ULK4: variants seen among roughly 807,000 people sequenced by gnomAD.
ULK4 encodes the protein unc-51 like kinase 4, also known as inactive serine/threonine-protein kinase ULK4.
In ULK4, 133 loss-of-function variants were observed where a neutral mutation model predicts 160.6. The ratio of observed to expected loss-of-function variants is 0.83; its 90% CI spans 0.72 to 0.96. The LOEUF (loss-of-function observed/expected upper bound fraction) is 0.96. ULK4 is among the 40% of genes least tolerant of loss of function. The pLI, the probability that ULK4 is intolerant of heterozygous loss-of-function variation, is 0.00. For synonymous variants in ULK4, 534 were observed against 539.8 expected, an observed-to-expected ratio of 0.99 and a Z score of 0.15; for missense variants, 1,580 against 1,499.5, an observed-to-expected ratio of 1.05 and a Z score of -0.89.
chr3:41,958,481 C>T (rs1462411860), intron 1 of ULK4, among the ~76,000 whole-genome samples: 1 of 151,450 alleles, frequency 6.6e-6, no homozygotes, highest in African/African-American at 2.4e-5. Context: ...TCGGACGGAT[C>T]GCCTGAGGTC....
intron 30 of ULK4, among the ~76,000 whole-genome samples, chr3:41,660,675 T>TA (rs1369719801): frequency 6.6e-6 from 1 of 152,222 alleles, no homozygotes; most frequent in Admixed American, 6.5e-5. Context: ...AATTGGTCTT[T>TA]AATGCATTGC....
intron 17 of ULK4, chr3:41,869,049 C>G (rs1227024907): frequency 6.6e-6 from 1 of 152,110 alleles, no homozygotes; most frequent in Non-Finnish European, 1.5e-5. Context: ...AAATCTGTAA[C>G]TAGTTACAAT....
intron 34 of ULK4, among the ~76,000 whole-genome samples, chr3:41,405,297 G>T (rs1575520225): frequency 6.6e-6 from 1 of 152,076 alleles, no homozygotes; most frequent in Non-Finnish European, 1.5e-5. Context: ...TTGCTGCAAA[G>T]GACATAATTT....
chr3:41,867,154 T>A (rs763551156), intron 17 of ULK4, among the ~76,000 whole-genome samples: 6 of 152,232 alleles, frequency 3.9e-5, no homozygotes, highest in Non-Finnish European at 8.8e-5. Flanking sequence ...TTACTTTTAT[T>A]ATTTCCTTTA....
intron 21 of ULK4, among the ~76,000 whole-genome samples, chr3:41,763,646 G>C (rs2039064197): frequency 6.6e-6 from 1 of 152,164 alleles, no homozygotes; most frequent in Admixed American, 6.6e-5. Context: ...TCTACTATGA[G>C]CAAAGCTGCT....
rs916603442 is a variant in ULK4, at chr3:41,716,465, T to C, written c.2456-897A>G. ...ATTTAGCTACCAACTGACCAAATTA[T>C]AGCCTTCAGGTTTGAGGTAAAAAAG... On this transcript the variant is annotated intron_variant, in intron 23 of 36. Transcript: ENST00000301831. Among the ~76,000 whole-genome samples the C allele has an allele frequency of 1.1e-4, 17 of 152,226 alleles. No homozygotes were observed. The East Asian group carries it at 1.7e-3, about 16-fold the overall frequency.
chr3:41,258,093 C>T (rs906677188), intron 35 of ULK4, among the ~76,000 whole-genome samples: 2 of 152,154 alleles, frequency 1.3e-5, no homozygotes, highest in Admixed American at 6.5e-5. Context: ...CCTCTTAGGC[C>T]GCTGAAGGTT....
intron 14 of ULK4, 22 bp downstream of exon 14, chr3:41,898,410 G>A (rs201965809): frequency 1.9e-5 from 28 of 1,488,038 alleles, no homozygotes; most frequent in South Asian, 5.0e-5. Flanking sequence ...CTACATGTTC[G>A]ATAAGTCCTT....
At chr3:41,933,643 T>C (rs576980817) in intron 4 of ULK4, among the ~76,000 whole-genome samples, 36 of 152,190 alleles carry the variant, frequency 2.4e-4, no homozygotes, top group African/African-American at 7.9e-4. Flanking sequence ...AACTACAGCC[T>C]CTGGGACAAA....
chr3:41,301,886 T>A (rs2079807554), intron 35 of ULK4, among the ~76,000 whole-genome samples: 1 of 152,190 alleles, frequency 6.6e-6, no homozygotes, highest in Non-Finnish European at 1.5e-5. Context: ...AAAACAATCT[T>A]GGCTTTTTGA....
intron 2 of ULK4, among the ~76,000 whole-genome samples, chr3:41,949,335 CAA>C (rs1263029667): frequency 1.9e-4 from 28 of 150,418 alleles, no homozygotes; most frequent in South Asian, 4.2e-4. Context: ...CACACACACA[CAA>C]AAAGTAAAGT....
chr3:41,698,332 GC>G (rs2036565547), intron 27 of ULK4, among the ~76,000 whole-genome samples: 1 of 151,972 alleles, frequency 6.6e-6, no homozygotes, highest in African/African-American at 2.4e-5. Flanking sequence ...TAGCTACATT[GC>G]CCAAGCTGGC....
chr3:41,446,655 C>A (rs1260034068), intron 34 of ULK4, among the ~76,000 whole-genome samples: 1 of 141,766 alleles, frequency 7.1e-6, no homozygotes, highest in African/African-American at 2.6e-5. Context: ...CAAGTTCTCA[C>A]TGATGGGTGT....
intron 31 of ULK4, among the ~76,000 whole-genome samples, chr3:41,579,099 C>T (rs534525280): frequency 9.2e-5 from 14 of 152,272 alleles, no homozygotes; most frequent in Admixed American, 3.3e-4. Context: ...CCGTACAAGT[C>T]CACAAGAAGC....
chr3:41,412,065 C>T (rs1052210790), intron 34 of ULK4, among the ~76,000 whole-genome samples: 1 of 152,146 alleles, frequency 6.6e-6, no homozygotes, highest in African/African-American at 2.4e-5. Context: ...AATTAACAAA[C>T]AAGGTACTGG....
chr3:41,564,960 CAT>C (rs1038499593), intron 32 of ULK4, among the ~76,000 whole-genome samples: 3 of 152,124 alleles, frequency 2.0e-5, no homozygotes, highest in African/African-American at 7.2e-5. Flanking sequence ...TCTTTTATAT[CAT>C]ATGTTTGCCA....
At chr3:41,326,136 A>G (rs116838892) in intron 35 of ULK4, among the ~76,000 whole-genome samples, 3,313 of 151,188 alleles carry the variant, frequency 0.022, 84 homozygotes, top group African/African-American at 0.068. Context: ...AAGCATGGGC[A>G]GGGGGGGGCT....
chr3:41,866,248 C>T (rs1262407806), intron 17 of ULK4, among the ~76,000 whole-genome samples: 1 of 152,200 alleles, frequency 6.6e-6, no homozygotes, highest in Non-Finnish European at 1.5e-5. Context: ...ATCGTTCATG[C>T]TGTGTTGCTT....
intron 2 of ULK4, among the ~76,000 whole-genome samples, chr3:41,946,457 A>T (rs1413449865): frequency 6.6e-6 from 1 of 152,196 alleles, no homozygotes. Flanking sequence ...TTTGGATATT[A>T]CATGACTGCA....
Sources: allele counts gnomAD v4.1 joint callset (sites outside exome capture counted in the v4.1 genomes callset), GRCh38; gene constraint gnomAD v4.1.1; transcripts MANE v1.5; gene names NCBI Gene and HGNC (gene_info 2026-07-23, HGNC 2026-07-21).